IKZF1: variants seen among roughly 807,000 people sequenced by gnomAD.
The protein encoded by IKZF1 is DNA-binding protein Ikaros.
A neutral mutation model predicts 51.7 loss-of-function variants in IKZF1; 10 were observed. The ratio of observed to expected loss-of-function variants is 0.19; its 90% CI spans 0.12 to 0.33. The LOEUF (loss-of-function observed/expected upper bound fraction) is 0.33, where lower values mean the gene tolerates loss of function less well. Among genes scored for constraint, IKZF1 ranks in the 10% least tolerant of loss-of-function variants. The pLI is 1.00. For synonymous variants in IKZF1, 280 were observed against 282.3 expected, an observed-to-expected ratio of 0.99 and a Z score of 0.08; for missense variants, 484 against 707.5, an observed-to-expected ratio of 0.68 and a Z score of 3.58.
chr7:50,323,558 T>C (rs1345244053), intron 2 of IKZF1, among the ~76,000 whole-genome samples: 2 of 152,254 alleles, frequency 1.3e-5, no homozygotes. Flanking sequence ...GGTAATGCTT[T>C]ATTTGAAACA....
intron 1 of IKZF1, among the ~76,000 whole-genome samples, chr7:50,314,104 G>A (rs1790870800): frequency 6.6e-6 from 1 of 152,138 alleles, no homozygotes; most frequent in Non-Finnish European, 1.5e-5. Context: ...AAGTCTCAGA[G>A]ACCTATAATT....
chr7:50,320,582 A>G lies in IKZF1; in HGVS notation c.40+1481A>G, dbSNP rs550326552. Among the ~76,000 whole-genome samples, 6 of 151,286 alleles carry G rather than the reference A, an allele frequency of 4.0e-5. No homozygotes were observed. In the South Asian group the frequency reaches 1.3e-3, roughly 32 times the overall value. On this transcript the variant is annotated intron_variant, in intron 2 of 7. Coordinates refer to ENST00000331340, the MANE Select transcript of IKZF1 (RefSeq NM_006060.6). ...TTTAACAAATCTCTCCCTATCTTCC[A>G]CTCCCCCGACCTTTCCAGCCTCTAT...
At chr7:50,389,043 A>G (rs148046506) in intron 6 of IKZF1, among the ~76,000 whole-genome samples, 219 of 152,372 alleles carry the variant, frequency 1.4e-3, no homozygotes, top group Non-Finnish European at 2.7e-3. Flanking sequence ...TGTTTTCATT[A>G]CTAAAGAAAC....
At chr7:50,320,421 C>A (rs900445231) in intron 2 of IKZF1, among the ~76,000 whole-genome samples, 2 of 152,094 alleles carry the variant, frequency 1.3e-5, no homozygotes, top group Non-Finnish European at 2.9e-5. Context: ...AAACATTTAT[C>A]GTTTCTTTGT....
At chr7:50,392,669 A>C (rs1815482873) in intron 7 of IKZF1, among the ~76,000 whole-genome samples, 2 of 152,196 alleles carry the variant, frequency 1.3e-5, no homozygotes, top group Non-Finnish European at 2.9e-5. Context: ...TGACTCCAAG[A>C]TTGAGAAAAC....
upstream of IKZF1, among the ~76,000 whole-genome samples, chr7:50,303,843 C>T (rs1232028620): frequency 1.3e-5 from 2 of 148,672 alleles, no homozygotes; most frequent in African/African-American, 2.5e-5. This position sits in a 1 kb window ranked among gnomAD's most constrained non-coding sequence, Gnocchi z 4.7. Flanking sequence ...GCGTCCCCCT[C>T]CCCCTCCTGG....
At chr7:50,377,682 G>A (rs951007660) in intron 4 of IKZF1, among the ~76,000 whole-genome samples, 3 of 152,240 alleles carry the variant, frequency 2.0e-5, no homozygotes, top group African/African-American at 4.8e-5. Flanking sequence ...TGTCTTAGAA[G>A]TAAAATATGA....
intron 6 of IKZF1, among the ~76,000 whole-genome samples, chr7:50,388,287 G>GT (rs1304071942): frequency 6.6e-6 from 1 of 152,236 alleles, no homozygotes; most frequent in African/African-American, 2.4e-5. Context: ...TCACTAGACT[G>GT]TGAGTCGAAA....
intron 3 of IKZF1, 184 bp downstream of exon 3, chr7:50,327,941 AC>A (rs1399092256): frequency 1.5e-6 from 1 of 686,740 alleles, no homozygotes; most frequent in African/African-American, 1.8e-5. Context: ...ATGGACACTC[AC>A]AGGCCAGCAT....
At chr7:50,320,498 C>A (rs1792908322) in intron 2 of IKZF1, among the ~76,000 whole-genome samples, 1 of 152,200 alleles carries the variant, frequency 6.6e-6, no homozygotes, top group African/African-American at 2.4e-5. Context: ...CTACAGTCAT[C>A]CTGCAATGGT....
chr7:50,357,797 C>T (rs541972124), intron 3 of IKZF1, among the ~76,000 whole-genome samples: 4 of 152,296 alleles, frequency 2.6e-5, no homozygotes, highest in South Asian at 2.1e-4. Context: ...TCAGGACACA[C>T]GGAGTGGGAG....
At chr7:50,313,552 A>G (rs967032398) in intron 1 of IKZF1, among the ~76,000 whole-genome samples, 1 of 151,970 alleles carries the variant, frequency 6.6e-6, no homozygotes, top group Non-Finnish European at 1.5e-5. Flanking sequence ...GGAGTGTGCG[A>G]CCCCTGCACT....
At chr7:50,351,642 A>AT (rs1240949265) in intron 3 of IKZF1, among the ~76,000 whole-genome samples, 1 of 152,040 alleles carries the variant, frequency 6.6e-6, no homozygotes, top group Non-Finnish European at 1.5e-5. Flanking sequence ...TGCAACAAAG[A>AT]TTTTTCTAGA....
intron 3 of IKZF1, chr7:50,368,599 G>C (rs756199706): frequency 2.2e-6 from 1 of 465,060 alleles, no homozygotes. Flanking sequence ...GTTCCTGCTT[G>C]GTGCCCGCAG....
chr7:50,333,329 G>A (rs1395678674), intron 3 of IKZF1, among the ~76,000 whole-genome samples: 1 of 127,446 alleles, frequency 7.8e-6, no homozygotes, highest in Non-Finnish European at 1.6e-5. Flanking sequence ...CACGGTAGTC[G>A]GGGGAGGGGG....
chr7:50,374,857 G>C lies in IKZF1; in HGVS notation c.161-1676G>C, dbSNP rs190457732. ...TTTTTATTTCAGTGTCTGGACTGTA[G>C]ATCTCTAAATCGAGAGGAACTCCCT... is the stretch of plus-strand genomic sequence containing the variant. On this transcript the variant is annotated intron_variant, in intron 3 of 7. Transcript: ENST00000331340. Among the ~76,000 whole-genome samples, 7 of 152,238 alleles carry C rather than the reference G, an allele frequency of 4.6e-5. No homozygotes were observed. The East Asian group carries it at 1.4e-3, about 29-fold the overall frequency.
chr7:50,385,762 T>A (rs923672919), intron 5 of IKZF1, among the ~76,000 whole-genome samples: 2 of 152,268 alleles, frequency 1.3e-5, no homozygotes, highest in Non-Finnish European at 2.9e-5. Context: ...AGTGGTTATC[T>A]ATATCCTATT....
intron 3 of IKZF1, among the ~76,000 whole-genome samples, chr7:50,373,422 A>T (rs1221921487): frequency 6.6e-6 from 1 of 152,198 alleles, no homozygotes. Context: ...GCAAGAGTCA[A>T]TTCTCTCTAG....
intron 3 of IKZF1, among the ~76,000 whole-genome samples, chr7:50,352,301 T>C (rs1208868269): frequency 6.6e-6 from 1 of 152,252 alleles, no homozygotes; most frequent in Non-Finnish European, 1.5e-5. Context: ...TGTCTCTTCC[T>C]CTGCATTCTA....
Sources: gnomAD v4.1 joint callset for allele counts (sites outside exome capture counted in the v4.1 genomes callset) on GRCh38, gnomAD v4.1.1 for gene constraint, Gnocchi (gnomAD v3.1) non-coding constraint, MANE v1.5 for transcripts, NCBI Gene and HGNC (gene_info 2026-07-23, HGNC 2026-07-21) for gene names.